Variants in FAM171A1 observed in about 807,000 individuals in gnomAD.
The protein encoded by FAM171A1 is protein FAM171A1.
A neutral mutation model predicts 74.9 loss-of-function variants in FAM171A1; 23 were observed. That is an observed-to-expected ratio of 0.31 (90% CI 0.22 to 0.44). The LOEUF is 0.44. FAM171A1 is among the 20% of genes least tolerant of loss of function. The pLI is 1.00. For synonymous variants in FAM171A1, 527 were observed against 505.7 expected (o/e 1.04, Z -0.57); for missense variants, 1,162 against 1,159.2 (o/e 1.00, Z -0.03).
Position 15,323,611 on chromosome 10 carries a change from T to C in FAM171A1, c.98-39506A>G, listed in dbSNP as rs189032319. Among the ~76,000 whole-genome samples, 102 of 152,332 alleles carry C rather than the reference T, an allele frequency of 6.7e-4. 1 individual carries two copies. The East Asian group carries it at 0.017, about 26-fold the overall frequency. On this transcript the variant is annotated intron_variant, in intron 1 of 7. Coordinates refer to ENST00000378116, the MANE Select transcript of FAM171A1 (RefSeq NM_001010924.2). ...TAATCAGAAATGGACTTGGTGGGCA[T>C]ATAGAATTAGAAAAAGGGGAGCTAA...
intron 6 of FAM171A1, 74 bp from the exon 7 acceptor site, chr10:15,216,184 C>G (rs541993232): frequency 2.1e-6 from 2 of 965,666 alleles, no homozygotes; most frequent in African/African-American, 1.7e-5. Flanking sequence ...ATTGAGAACG[C>G]AGTGTCTTGT....
chr10:15,244,876 G>C (rs987492737), intron 5 of FAM171A1, among the ~76,000 whole-genome samples: 6 of 152,158 alleles, frequency 3.9e-5, no homozygotes, highest in African/African-American at 1.4e-4. Flanking sequence ...GAGGAGACTG[G>C]AAAGGATCGG....
At chr10:15,361,292 G>A (rs1427122032) in intron 1 of FAM171A1, among the ~76,000 whole-genome samples, 2 of 152,132 alleles carry the variant, frequency 1.3e-5, no homozygotes, top group African/African-American at 4.8e-5. Context: ...TGTGGTGCAA[G>A]GAAACCACAC....
chr10:15,218,742 A>C (rs1833998935), intron 6 of FAM171A1, among the ~76,000 whole-genome samples: 4 of 152,052 alleles, frequency 2.6e-5, no homozygotes, highest in Admixed American at 2.6e-4. Context: ...TTACAGGTGA[A>C]TGCTACCATC....
Position 15,275,967 on chromosome 10 carries a change from A to G in FAM171A1, c.326-20T>C, listed in dbSNP as rs773156797. The G allele has an allele frequency of 1.3e-6, 2 of 1,566,880 alleles. No homozygotes were observed. The highest frequency in any genetic ancestry group is 2.7e-5 in the African/African-American group (2 of 73,592). ...AAAATACTGCAGGAAAAAGAAATGG[A>G]TAGAAGGGGATTTTAATAGTCATAT... On this transcript the variant is annotated intron_variant, in intron 2 of 7. Transcript: ENST00000378116.
At chr10:15,304,004 C>T (rs1013962880) in intron 1 of FAM171A1, among the ~76,000 whole-genome samples, 3 of 152,320 alleles carry the variant, frequency 2.0e-5, no homozygotes, top group Admixed American at 6.5e-5. Flanking sequence ...GACGATTTCC[C>T]GGGGCTGATG....
intron 3 of FAM171A1, among the ~76,000 whole-genome samples, chr10:15,264,540 T>C (rs1409799660): frequency 6.6e-6 from 1 of 152,122 alleles, no homozygotes; most frequent in Non-Finnish European, 1.5e-5. Flanking sequence ...ATCTCAGCAC[T>C]TTGGGAGGGC....
intron 1 of FAM171A1, among the ~76,000 whole-genome samples, chr10:15,299,394 G>A (rs1455530142): frequency 1.3e-5 from 2 of 152,206 alleles, no homozygotes; most frequent in Non-Finnish European, 2.9e-5. Flanking sequence ...CGGTTGCCAA[G>A]GCAACCTAAA....
intron 4 of FAM171A1, 117 bp from the exon 5 acceptor site, chr10:15,248,932 T>C (rs1834471914): frequency 1.1e-6 from 1 of 916,810 alleles, no homozygotes; most frequent in African/African-American, 1.7e-5. Flanking sequence ...AGGGACTGCA[T>C]GAAGCACTTT....
In FAM171A1 at chr10:15,214,314, A is replaced by G; in HGVS notation, c.1274T>C (p.Phe425Ser). ...LKLSYSTSQE[F>S]SSREELLSCK... ...AGAGAGGAGCTCCTCCCGGGAGCTA[A>G]ATTCCTGGGAGGTGCTGTAGGAGAG... Residue 425 changes from phenylalanine (F) to serine (S), a missense_variant, in exon 8 of 8, where the codon TTT (phenylalanine) becomes TCT (serine). Physicochemically the swap from Phe to Ser is radical, Grantham distance 155 (BLOSUM62 -2). Transcript: ENST00000378116. The G allele has an allele frequency of 6.2e-7, 1 of 1,612,952 alleles. No individual in the cohort carries two copies. Among genetic ancestry groups the G allele is most frequent in the Non-Finnish European group, 8.5e-7 (1 of 1,179,576 alleles).
At position 15,227,913 on chromosome 10, in the gene FAM171A1, G is replaced by C. The variant is rs370250868; in HGVS notation, c.755-6853C>G. On this transcript the variant is annotated intron_variant, in intron 5 of 7. Coordinates refer to ENST00000378116, the MANE Select transcript of FAM171A1 (RefSeq NM_001010924.2). ...AGGCAGGGAAAGATGTGTCCTGCAA[G>C]ATCTGATGCTGTCTCCCAGCAATCG... Among the ~76,000 whole-genome samples, 7 of 152,312 alleles carry C rather than the reference G, an allele frequency of 4.6e-5. No homozygotes were observed. In the East Asian group the frequency reaches 1.2e-3, roughly 25 times the overall value.
chr10:15,249,393 C>A (rs1325181036), intron 4 of FAM171A1, among the ~76,000 whole-genome samples: 1 of 152,156 alleles, frequency 6.6e-6, no homozygotes, highest in East Asian at 1.9e-4. Flanking sequence ...AGCCACTGTG[C>A]CCGGTCAGGC....
intron 3 of FAM171A1, among the ~76,000 whole-genome samples, chr10:15,274,811 G>A (rs1467868522): frequency 6.6e-6 from 1 of 152,062 alleles, no homozygotes; most frequent in African/African-American, 2.4e-5. Context: ...AATAAATAGT[G>A]CTGCAGCACT....
chr10:15,223,505 C>T (rs777456213), intron 5 of FAM171A1, among the ~76,000 whole-genome samples: 1 of 152,254 alleles, frequency 6.6e-6, no homozygotes, highest in Non-Finnish European at 1.5e-5. Context: ...GTAAGTCCTG[C>T]TCATTCATGA....
At chr10:15,259,745 A>T (rs1486014056) in intron 3 of FAM171A1, among the ~76,000 whole-genome samples, 2 of 152,038 alleles carry the variant, frequency 1.3e-5, no homozygotes, top group Non-Finnish European at 2.9e-5. Context: ...GCCTACCTCA[A>T]AATAGATGCC....
chr10:15,243,429 A>G (rs79985680), intron 5 of FAM171A1, among the ~76,000 whole-genome samples: 21,837 of 152,188 alleles, frequency 0.14, 1,678 homozygotes, highest in Middle Eastern at 0.19. Flanking sequence ...TCCATCTGCC[A>G]TGGACATCAA....
At chr10:15,242,116 A>G (rs1309328891) in intron 5 of FAM171A1, among the ~76,000 whole-genome samples, 1 of 152,210 alleles carries the variant, frequency 6.6e-6, no homozygotes, top group Non-Finnish European at 1.5e-5. Flanking sequence ...GATTACTGTA[A>G]TCATAAATAG....
intron 1 of FAM171A1, among the ~76,000 whole-genome samples, chr10:15,309,490 G>A (rs542920787): frequency 3.3e-5 from 5 of 152,410 alleles, no homozygotes; most frequent in Admixed American, 2.6e-4. Flanking sequence ...ACAAGCGTAA[G>A]CCACTGTGCC....
At chr10:15,258,628 T>C (rs1280000346) in intron 3 of FAM171A1, among the ~76,000 whole-genome samples, 2 of 152,208 alleles carry the variant, frequency 1.3e-5, no homozygotes, top group East Asian at 3.9e-4. Context: ...CCACAATGCA[T>C]GCTGCCCTTG....
Sources: allele counts gnomAD v4.1 joint callset (sites outside exome capture counted in the v4.1 genomes callset), GRCh38; gene constraint gnomAD v4.1.1; transcripts MANE v1.5; gene names NCBI Gene and HGNC (gene_info 2026-07-23, HGNC 2026-07-21).